Variants in COP1 observed in about 807,000 individuals in gnomAD.
The protein encoded by COP1 is COP1 E3 ubiquitin ligase.
In COP1, 24 loss-of-function variants were observed where a neutral mutation model predicts 101.3. The observed-to-expected ratio is 0.24, with a 90% CI of 0.17 to 0.33. The LOEUF (loss-of-function observed/expected upper bound fraction) is 0.33, where lower values mean the gene tolerates loss of function less well. Among genes scored for constraint, COP1 ranks in the 10% least tolerant of loss-of-function variants. COP1 has a pLI of 1.00. For missense variants in COP1, 663 were observed against 906.2 expected (o/e 0.73, Z 3.45); for synonymous variants, 347 against 341.9 (o/e 1.01, Z -0.17).
At chr1:175,945,592 A>C (rs1355891402) in intron 19 of COP1, among the ~76,000 whole-genome samples, 1 of 152,232 alleles carries the variant, frequency 6.6e-6, no homozygotes, top group Non-Finnish European at 1.5e-5. Context: ...CAGGACCTAA[A>C]GTCTTGCTCT....
At chr1:176,070,482 C>T (rs1324360779) in intron 11 of COP1, among the ~76,000 whole-genome samples, 2 of 151,692 alleles carry the variant, frequency 1.3e-5, no homozygotes, top group African/African-American at 2.4e-5. Flanking sequence ...GCCAACATGG[C>T]GAAACCCCGT....
At chr1:176,025,763 G>T (rs768445326) in intron 15 of COP1, among the ~76,000 whole-genome samples, 77 of 151,870 alleles carry the variant, frequency 5.1e-4, no homozygotes, top group Non-Finnish European at 9.9e-4. Context: ...GGTGGTGCAC[G>T]CCTGTAGTCC....
intron 1 of COP1, among the ~76,000 whole-genome samples, chr1:176,194,872 T>C (rs1487996307): frequency 4.6e-5 from 7 of 151,932 alleles, no homozygotes; most frequent in African/African-American, 1.4e-4. Context: ...GCCCAGGAGT[T>C]TGAGATCAGC....
intron 9 of COP1, among the ~76,000 whole-genome samples, chr1:176,115,442 T>C (rs1446387393): frequency 1.3e-5 from 2 of 149,456 alleles, no homozygotes; most frequent in Admixed American, 6.7e-5. Flanking sequence ...AGCGGGACTC[T>C]GTCTCAAAAA....
intron 2 of COP1, among the ~76,000 whole-genome samples, chr1:176,179,149 G>C (rs758113989): frequency 2.0e-5 from 3 of 151,920 alleles, no homozygotes; most frequent in Non-Finnish European, 2.9e-5. Flanking sequence ...GAATTAGCGG[G>C]CATATTGGTG....
At chr1:176,202,316 A>G (rs1700347164) in intron 1 of COP1, among the ~76,000 whole-genome samples, 1 of 150,316 alleles carries the variant, frequency 6.7e-6, no homozygotes, top group South Asian at 2.1e-4. Context: ...CAGCTTCTTG[A>G]GTAGCTGGGA....
chr1:176,136,810 A>G (rs2149742185), intron 6 of COP1, among the ~76,000 whole-genome samples: 1 of 152,318 alleles, frequency 6.6e-6, no homozygotes, highest in East Asian at 1.9e-4. Context: ...TAAAAGTATG[A>G]GATGAATGAC....
chr1:176,023,214 G>A (rs1352069196), intron 15 of COP1, among the ~76,000 whole-genome samples: 2 of 152,086 alleles, frequency 1.3e-5, no homozygotes. Flanking sequence ...CCAACAATAA[G>A]AACTACAACA....
chr1:176,174,657 C>T (rs890187839), intron 3 of COP1, among the ~76,000 whole-genome samples: 4 of 152,156 alleles, frequency 2.6e-5, no homozygotes, highest in African/African-American at 9.7e-5. Context: ...TGAATACGTT[C>T]AAATTCATAA....
At chr1:176,088,584 G>A (rs1680663719) in intron 9 of COP1, among the ~76,000 whole-genome samples, 1 of 151,984 alleles carries the variant, frequency 6.6e-6, no homozygotes, top group Non-Finnish European at 1.5e-5. Context: ...TTCAAAGAAG[G>A]CATAATAAAA....
At chr1:175,955,859 AAATT>A (rs1273849389) in intron 18 of COP1, among the ~76,000 whole-genome samples, 2 of 151,634 alleles carry the variant, frequency 1.3e-5, no homozygotes, top group Non-Finnish European at 2.9e-5. Flanking sequence ...ATACCTAAAT[AAATT>A]GACAGTTATA....
intron 9 of COP1, among the ~76,000 whole-genome samples, chr1:176,088,205 T>C (rs1289760514): frequency 1.3e-5 from 2 of 152,024 alleles, no homozygotes; most frequent in Non-Finnish European, 2.9e-5. Context: ...TATACATATG[T>C]GACAAACCTG....
chr1:175,958,073 ATGT>A (rs1650900465), intron 18 of COP1, among the ~76,000 whole-genome samples: 1 of 152,096 alleles, frequency 6.6e-6, no homozygotes, highest in African/African-American at 2.4e-5. Context: ...GGTGATGAAA[ATGT>A]TGTTATAACT....
At chr1:176,153,864 T>C (rs1402412157) in intron 5 of COP1, among the ~76,000 whole-genome samples, 2 of 152,218 alleles carry the variant, frequency 1.3e-5, no homozygotes, top group Admixed American at 6.5e-5. Flanking sequence ...TTCTATCTTT[T>C]GTAGTTCCAT....
At chr1:176,148,955 CA>C in intron 6 of COP1, 50 bp downstream of exon 6, 1 of 1,142,618 alleles carries the variant, frequency 8.8e-7, no homozygotes. Flanking sequence ...AAAATGGGAA[CA>C]GTTAACAATA....
rs954419417 is a variant in COP1, at chr1:175,969,276, G to A, written c.2133+17667C>T. 2.0e-5 allele frequency among the ~76,000 whole-genome samples: 3 copies of A among 152,040 alleles called. 1 individual carries two copies. Among genetic ancestry groups the A allele is most frequent in the Non-Finnish European group, 4.4e-5 (3 of 68,026 alleles). ...GGAAAACACAGTAGAGCATTGTTAG[G>A]GACCAGAACACACTACCTCCAAATA... On this transcript the variant is annotated intron_variant, in intron 18 of 19. Transcript: ENST00000367669.
At chr1:176,177,987 C>T (rs962756754) in intron 2 of COP1, among the ~76,000 whole-genome samples, 28 of 152,132 alleles carry the variant, frequency 1.8e-4, no homozygotes, top group Non-Finnish European at 3.7e-4. Flanking sequence ...CAAATATCTA[C>T]TGAAAAATGA....
At chr1:176,191,794 T>C (rs1453510559) in intron 1 of COP1, among the ~76,000 whole-genome samples, 2 of 152,084 alleles carry the variant, frequency 1.3e-5, no homozygotes, top group African/African-American at 4.8e-5. Context: ...TTATTTGGTA[T>C]TTTGTGAAGT....
intron 9 of COP1, among the ~76,000 whole-genome samples, chr1:176,113,527 A>G (rs1685643022): frequency 6.6e-6 from 1 of 152,126 alleles, no homozygotes; most frequent in Non-Finnish European, 1.5e-5. Flanking sequence ...TTTCTAGCTC[A>G]TAGGATTTGC....
Sources: gnomAD v4.1 joint callset for allele counts (sites outside exome capture counted in the v4.1 genomes callset) on GRCh38, gnomAD v4.1.1 for gene constraint, MANE v1.5 for transcripts, NCBI Gene and HGNC (gene_info 2026-07-23, HGNC 2026-07-21) for gene names.